The following MYO18B variants were observed in gnomAD, a reference collection of about 807,000 sequenced individuals.
MYO18B encodes the protein myosin XVIIIB, also known as unconventional myosin-XVIIIb.
Under a neutral mutation model 273.0 loss-of-function variants are expected in MYO18B, and 204 were observed. That is an observed-to-expected ratio of 0.75 (90% CI 0.67 to 0.84). The LOEUF is 0.84. Among genes scored for constraint, MYO18B ranks in the 40% least tolerant of loss-of-function variants. The pLI, the probability that MYO18B is intolerant of heterozygous loss-of-function variation, is 0.00. For synonymous variants in MYO18B, 1,330 were observed against 1,305.7 expected, an observed-to-expected ratio of 1.02 and a Z score of -0.40; for missense variants, 3,212 against 3,287.6, an observed-to-expected ratio of 0.98 and a Z score of 0.56.
chr22:25,867,906 C>G (rs2090936834), intron 21 of MYO18B, among the ~76,000 whole-genome samples: 1 of 152,202 alleles, frequency 6.6e-6, no homozygotes, highest in South Asian at 2.1e-4. Context: ...GCTGAGATAA[C>G]AGCCGTGAGC....
At chr22:25,955,005 G>C (rs116977138) in intron 38 of MYO18B, among the ~76,000 whole-genome samples, 174 bp from the exon 39 acceptor site, 1 of 152,138 alleles carries the variant, frequency 6.6e-6, no homozygotes, top group Non-Finnish European at 1.5e-5. Context: ...CACTGCGCCC[G>C]ACCATCATTT....
chr22:25,912,105 C>T (rs1224240794), intron 33 of MYO18B, among the ~76,000 whole-genome samples: 1 of 152,174 alleles, frequency 6.6e-6, no homozygotes, highest in Non-Finnish European at 1.5e-5. Flanking sequence ...TCATCTTGGG[C>T]AGCCATGCCT....
At chr22:26,043,334 G>T in the MYO18B span, among the ~76,000 whole-genome samples, 2 of 151,962 alleles carry the variant, frequency 1.3e-5, no homozygotes, top group African/African-American at 4.8e-5. Context: ...TTTCCAGTTT[G>T]GGATTGTTAT....
At chr22:25,852,395 TAATGAATG>T (rs3079384) in intron 21 of MYO18B, among the ~76,000 whole-genome samples, 141 of 150,754 alleles carry the variant, frequency 9.4e-4, no homozygotes, top group African/African-American at 3.2e-3. Flanking sequence ...TTTGTTGAGT[TAATGAATG>T]AATGAATGAA....
the MYO18B span, among the ~76,000 whole-genome samples, chr22:26,036,715 C>G: frequency 6.6e-6 from 1 of 152,142 alleles, no homozygotes; most frequent in East Asian, 1.9e-4. Context: ...ACCAAAAGCC[C>G]TTGGTCTTCC....
At chr22:25,884,340 G>A (rs1460745268) in intron 25 of MYO18B, among the ~76,000 whole-genome samples, 3 of 152,178 alleles carry the variant, frequency 2.0e-5, no homozygotes, top group African/African-American at 4.8e-5. Context: ...CTGACTCCTC[G>A]CTCCATAGTC....
intron 1 of MYO18B, among the ~76,000 whole-genome samples, chr22:25,756,086 A>T (rs752640794): frequency 1.3e-5 from 2 of 151,658 alleles, no homozygotes; most frequent in Non-Finnish European, 1.5e-5. Context: ...TTTAGTAGAG[A>T]TGGGGTTTCA....
At chr22:25,820,942 C>G (rs1049270046) in intron 12 of MYO18B, among the ~76,000 whole-genome samples, 2 of 152,160 alleles carry the variant, frequency 1.3e-5, no homozygotes, top group Non-Finnish European at 2.9e-5. Flanking sequence ...ATTTGTCTTT[C>G]TGTGCCTGGC....
rs191985295 is a variant in MYO18B, at chr22:26,003,182, C to T, written c.6288-83C>T. 8,839 of 1,265,106 alleles carry T rather than the reference C, an allele frequency of 7.0e-3. 39 individuals carry two copies. Among genetic ancestry groups the T allele is most frequent in the Non-Finnish European group, 8.5e-3 (7,562 of 884,446 alleles). The allele number at this position is 1,265,106 out of a possible 1,614,324, so 78.4% of individuals were successfully genotyped here. Reference sequence around the variant, plus strand: ...AAAGGTTGGAAGTGGGATTCACACTCATGTCTGTCTAACGTCAATAACCAT... The same window carrying T: ...AAAGGTTGGAAGTGGGATTCACACTTATGTCTGTCTAACGTCAATAACCAT... On this transcript the variant is annotated intron_variant, in intron 40 of 43. Transcript: ENST00000335473.
intron 33 of MYO18B, among the ~76,000 whole-genome samples, chr22:25,920,822 A>T (rs1039229705): frequency 3.3e-5 from 5 of 152,166 alleles, no homozygotes; most frequent in Non-Finnish European, 5.9e-5. Flanking sequence ...GTCCCTGCCC[A>T]CCCAGGACTG....
chr22:25,845,281 G>A (rs937599874), intron 18 of MYO18B, among the ~76,000 whole-genome samples: 11 of 152,326 alleles, frequency 7.2e-5, no homozygotes, highest in Middle Eastern at 6.8e-3. Context: ...CACTTTGGGA[G>A]GCCAAGGTGG....
chr22:25,775,315 A>T (rs9624895), intron 7 of MYO18B, among the ~76,000 whole-genome samples: 44,149 of 152,100 alleles, frequency 0.29, 6,874 homozygotes, highest in Non-Finnish European at 0.32. Context: ...GGAAGAGCCA[A>T]CAGTGGATTG....
At chr22:25,829,008 T>A (rs1316001189) in intron 15 of MYO18B, 40 bp downstream of exon 15, 1 of 1,601,420 alleles carries the variant, frequency 6.2e-7, no homozygotes, top group Non-Finnish European at 8.5e-7. Context: ...CAGAGCTCCG[T>A]GGATGGTGTA....
intron 6 of MYO18B, among the ~76,000 whole-genome samples, chr22:25,772,113 G>C (rs2086742102): frequency 6.6e-6 from 1 of 152,240 alleles, no homozygotes; most frequent in Admixed American, 6.5e-5. Flanking sequence ...CGAAGAGGGG[G>C]TGCCTCATAG....
At chr22:25,755,030 A>G (rs1270951903) in intron 1 of MYO18B, among the ~76,000 whole-genome samples, 2 of 152,110 alleles carry the variant, frequency 1.3e-5, no homozygotes, top group East Asian at 1.9e-4. Context: ...CGTCAGGCCT[A>G]TTTATAATTC....
intron 12 of MYO18B, among the ~76,000 whole-genome samples, chr22:25,813,184 C>CT (rs66708568): frequency 2.6e-3 from 259 of 98,572 alleles, no homozygotes; most frequent in African/African-American, 6.5e-3. Flanking sequence ...CTTCTTCTTC[C>CT]TTTTTTTTTT....
chr22:25,871,494 T>G (rs2091042959), intron 22 of MYO18B, among the ~76,000 whole-genome samples: 1 of 152,204 alleles, frequency 6.6e-6, no homozygotes, highest in Non-Finnish European at 1.5e-5. Flanking sequence ...GGAAGCTGTT[T>G]CCATATCAGA....
At chr22:25,804,206 A>G (rs142960312) in intron 12 of MYO18B, among the ~76,000 whole-genome samples, 222 of 152,214 alleles carry the variant, frequency 1.5e-3, no homozygotes, top group African/African-American at 5.3e-3. Context: ...AACCTTATAC[A>G]GTCTCTCCAC....
intron 34 of MYO18B, among the ~76,000 whole-genome samples, chr22:25,932,421 T>TC (rs1491445391): frequency 1.1e-5 from 1 of 91,048 alleles, no homozygotes; most frequent in Non-Finnish European, 2.9e-5. Flanking sequence ...CTTTTTTTTT[T>TC]CTTTGAGACA....
Sources: gnomAD v4.1 joint callset for allele counts (sites outside exome capture counted in the v4.1 genomes callset) on GRCh38, gnomAD v4.1.1 for gene constraint, MANE v1.5 for transcripts, NCBI Gene and HGNC (gene_info 2026-07-23, HGNC 2026-07-21) for gene names.